Variants in NEGR1 observed in about 807,000 individuals in gnomAD.
NEGR1 encodes IgLON family member 4.
In NEGR1, 10 loss-of-function variants were observed where a neutral mutation model predicts 40.9. The observed-to-expected ratio is 0.24, with a 90% confidence interval of 0.15 to 0.42. The LOEUF is 0.42. NEGR1 is among the 10% of genes least tolerant of loss of function. The pLI is 1.00. For synonymous variants in NEGR1, 185 were observed against 166.8 expected (o/e 1.11, Z -0.84); for missense variants, 352 against 438.9 (o/e 0.80, Z 1.77).
intron 4 of NEGR1, among the ~76,000 whole-genome samples, chr1:71,659,705 G>C (rs974808804): frequency 5.9e-5 from 9 of 152,130 alleles, no homozygotes; most frequent in African/African-American, 2.2e-4. Context: ...CATGCATGTG[G>C]CAAACAAGCA....
In NEGR1 at chr1:71,629,967, A is replaced by T. The variant is rs377741930; in HGVS notation, c.668-18821T>A. ...TCTCATAATTTCCATTTCTCAGAGC[A>T]TTTTTCAATGAATAAATTGTAATGA... On this transcript the variant is annotated intron_variant, in intron 4 of 6. Transcript: ENST00000357731. Among the ~76,000 whole-genome samples, 28 of 152,036 alleles carry T rather than the reference A, an allele frequency of 1.8e-4. No individual in the cohort carries two copies. In the East Asian group the frequency reaches 3.1e-3, roughly 17 times the overall value.
rs1261438158 is a variant in NEGR1 at position 71,428,333 on chromosome 1, T to C, written c.941-20763A>G. Among the ~76,000 whole-genome samples, 4 of 152,184 alleles carry C rather than the reference T, an allele frequency of 2.6e-5. No homozygotes were observed. In the East Asian group the frequency reaches 7.7e-4, roughly 29 times the overall value. ...TGCTATAAAGGCAGTCTGTGTTAAG[T>C]CTCATTCTAAATAGTACCTGTGTAA... On this transcript the variant is annotated intron_variant, in intron 6 of 6. Transcript: ENST00000357731.
At chr1:71,544,202 T>C (rs1557561306) in intron 6 of NEGR1, among the ~76,000 whole-genome samples, 1 of 151,764 alleles carries the variant, frequency 6.6e-6, no homozygotes, top group Non-Finnish European at 1.5e-5. Context: ...TGTTTATTTA[T>C]CTAAATCATT....
intron 1 of NEGR1, among the ~76,000 whole-genome samples, chr1:72,005,283 A>G (rs544158147): frequency 6.6e-6 from 1 of 152,258 alleles, no homozygotes; most frequent in African/African-American, 2.4e-5. Flanking sequence ...AAAATACCCC[A>G]ATCTACCATC....
At chr1:71,589,075 T>C (rs541010337) in intron 6 of NEGR1, among the ~76,000 whole-genome samples, 1 of 152,278 alleles carries the variant, frequency 6.6e-6, no homozygotes, top group Admixed American at 6.5e-5. Flanking sequence ...TGGCTTCTAC[T>C]CTCAGTTTTA....
intron 3 of NEGR1, among the ~76,000 whole-genome samples, chr1:71,722,039 T>G (rs1654526305): frequency 6.6e-6 from 1 of 152,144 alleles, no homozygotes; most frequent in Non-Finnish European, 1.5e-5. Flanking sequence ...AAGACGTTTT[T>G]ATTTTATTCT....
intron 1 of NEGR1, among the ~76,000 whole-genome samples, chr1:72,132,226 TG>T (rs1339620113): frequency 2.0e-5 from 3 of 152,202 alleles, no homozygotes; most frequent in Non-Finnish European, 4.4e-5. Context: ...AACGTTACTA[TG>T]AAGTTAGAAA....
At chr1:71,575,289 C>G (rs564606213) in intron 6 of NEGR1, among the ~76,000 whole-genome samples, 1 of 152,206 alleles carries the variant, frequency 6.6e-6, no homozygotes. Flanking sequence ...AAGCATCAAC[C>G]TTGACATCAA....
intron 6 of NEGR1, among the ~76,000 whole-genome samples, chr1:71,587,434 G>T (rs1163079594): frequency 7.1e-6 from 1 of 140,228 alleles, no homozygotes; most frequent in African/African-American, 2.6e-5. Flanking sequence ...CATTAAACAG[G>T]CTGGGAAGAA....
intron 1 of NEGR1, among the ~76,000 whole-genome samples, chr1:72,171,540 A>G (rs929758562): frequency 6.6e-6 from 1 of 152,038 alleles, no homozygotes; most frequent in Admixed American, 6.6e-5. Flanking sequence ...TAGTCAAGTT[A>G]TTTTTCGCTG....
In NEGR1 at chr1:71,833,954, G is replaced by A. The variant is rs531625564; in HGVS notation, c.410-57657C>T. On this transcript the variant is annotated intron_variant, in intron 2 of 6. Coordinates refer to ENST00000357731, the MANE Select transcript of NEGR1 (RefSeq NM_173808.3). ...GCTTAGAGTTGTTTCTGAAATCATG[G>A]ATTATTTTTAAATTAATTGCATAAT... is the stretch of plus-strand genomic sequence containing the variant. 7.2e-5 allele frequency among the ~76,000 whole-genome samples: 11 copies of A among 152,156 alleles called. No homozygotes were observed. The South Asian group carries it at 2.3e-3, about 32-fold the overall frequency.
intron 6 of NEGR1, among the ~76,000 whole-genome samples, chr1:71,511,122 G>C (rs552021046): frequency 4.3e-4 from 65 of 152,300 alleles, no homozygotes; most frequent in Admixed American, 7.8e-4. Context: ...TGGTAAGACA[G>C]AGCATTTTGA....
At chr1:72,140,697 C>A (rs551028260) in intron 1 of NEGR1, among the ~76,000 whole-genome samples, 67 of 152,020 alleles carry the variant, frequency 4.4e-4, no homozygotes, top group African/African-American at 1.4e-3. Flanking sequence ...AAAATATTTT[C>A]TTTCATGTAA....
chr1:71,808,363 T>C (rs1657857080), intron 2 of NEGR1, among the ~76,000 whole-genome samples: 1 of 152,198 alleles, frequency 6.6e-6, no homozygotes, highest in South Asian at 2.1e-4. Context: ...CCTATAGGTA[T>C]AGATGGTGGA....
At chr1:71,446,366 CA>C (rs1646582564) in intron 6 of NEGR1, among the ~76,000 whole-genome samples, 1 of 152,114 alleles carries the variant, frequency 6.6e-6, no homozygotes, top group African/African-American at 2.4e-5. Flanking sequence ...AAAAAAGCTA[CA>C]CTTTCTTAAA....
At chr1:71,565,721 T>C (rs72677138) in intron 6 of NEGR1, among the ~76,000 whole-genome samples, 8,117 of 152,160 alleles carry the variant, frequency 0.053, 305 homozygotes, top group Non-Finnish European at 0.081. Context: ...GGAGATAAGA[T>C]ATTGAAAAGC....
At chr1:71,454,751 T>G (rs1387290054) in intron 6 of NEGR1, among the ~76,000 whole-genome samples, 1 of 152,218 alleles carries the variant, frequency 6.6e-6, no homozygotes, top group Non-Finnish European at 1.5e-5. Context: ...TTGCCTTGCT[T>G]AGAAAATGAC....
intron 1 of NEGR1, among the ~76,000 whole-genome samples, chr1:72,215,578 A>G (rs556684646): frequency 2.0e-5 from 3 of 152,200 alleles, no homozygotes; most frequent in Non-Finnish European, 4.4e-5. Context: ...TCTCAAAAGA[A>G]GATATTTATG....
chr1:71,924,673 T>A (rs1645755730), intron 2 of NEGR1, among the ~76,000 whole-genome samples: 1 of 152,218 alleles, frequency 6.6e-6, no homozygotes, highest in South Asian at 2.1e-4. Flanking sequence ...ACAGTCTTTG[T>A]AGCTAACTCT....
Sources: gnomAD v4.1 joint callset for allele counts (sites outside exome capture counted in the v4.1 genomes callset) on GRCh38, gnomAD v4.1.1 for gene constraint, MANE v1.5 for transcripts, NCBI Gene and HGNC (gene_info 2026-07-23, HGNC 2026-07-21) for gene names.